Variants in BCL11B observed in about 807,000 individuals in gnomAD.
The protein encoded by BCL11B is BCL11 transcription factor B.
Under a neutral mutation model 49.9 loss-of-function variants are expected in BCL11B, and 8 were observed. The ratio of observed to expected loss-of-function variants is 0.16; its 90% CI spans 0.09 to 0.29. The LOEUF (loss-of-function observed/expected upper bound fraction) is 0.29, where lower values mean the gene tolerates loss of function less well. Ranked by LOEUF, BCL11B falls within the 10% of genes least tolerant of loss-of-function variation. The pLI is 1.00. For missense variants in BCL11B, 1,006 were observed against 1,351.0 expected (o/e 0.74, Z 4.00); for synonymous variants, 739 against 637.4 (o/e 1.16, Z -2.40).
In BCL11B at chr14:99,175,722, C is replaced by T; in HGVS notation, c.1114G>A (p.Gly372Ser). The change falls in exon 4 of 4, where the codon GGC (glycine) becomes AGC (serine). Residue 372 changes from glycine to serine, a missense_variant. This residue lies in a region of BCL11B where 411 missense variants were observed against 542.2 expected (regional missense o/e 0.76). Coordinates refer to ENST00000357195, the MANE Select transcript of BCL11B (RefSeq NM_138576.4). ...ACGGGCGGCGGCGTGGAGCTGTTGC[C>T]CGCCAGCTCGCGGAGCCGCCGCGAG... The part of the protein sequence containing the change: ...DFSRRLRELA[G>S]NSSTPPPVSP... 4 of 1,488,836 alleles carry T rather than the reference C, an allele frequency of 2.7e-6. No individual in the cohort carries two copies. The highest frequency in any genetic ancestry group is 3.5e-6 in the Non-Finnish European group (4 of 1,135,700). The allele number at this position is 1,488,836 out of a possible 1,614,324, so 92.2% of individuals were successfully genotyped here. A position where few individuals can be genotyped will look rare whatever the true frequency, so the allele number is the denominator to read the frequency against.
In BCL11B at chr14:99,247,981, G is replaced by C. The variant is rs1888897155; in HGVS notation, c.427+9490C>G. On this transcript the variant is annotated intron_variant, in intron 2 of 3. Coordinates refer to ENST00000357195, the MANE Select transcript of BCL11B (RefSeq NM_138576.4). This position sits in a 1 kb window ranked among gnomAD's most constrained non-coding sequence, Gnocchi z 4.5. ...GGGCTGGGGGGCTCACCCTGCCCTT[G>C]GCTGCTGCCTTTTCTCCACACCAGG... Among the ~76,000 whole-genome samples the C allele has an allele frequency of 6.6e-6, 1 of 152,156 alleles. No individual in the cohort carries two copies.
chr14:99,216,838 C>CA (rs1240077681), intron 3 of BCL11B, among the ~76,000 whole-genome samples: 1 of 152,106 alleles, frequency 6.6e-6, no homozygotes, highest in Non-Finnish European at 1.5e-5. Context: ...TGCTCACACA[C>CA]AAAAACACTC....
In BCL11B at chr14:99,174,799, G is replaced by C. The variant is rs564036489; in HGVS notation, c.2037C>G (p.Pro679=). Residue 679 remains proline, a synonymous_variant, in exon 4 of 4, where the codon CCC becomes CCG. Transcript: ENST00000357195. ...FPRKPAPLPS[P]GLNSAAKRIK... is the part of the protein sequence containing the mutation. Reference sequence around the variant, plus strand: ...TGCGCTTGGCGGCGCTGTTGAGCCCGGGGCTGGGCAGCGGCGCGGGCTTGC... The same window carrying C: ...TGCGCTTGGCGGCGCTGTTGAGCCCCGGGCTGGGCAGCGGCGCGGGCTTGC... 6.3e-6 allele frequency: 9 copies of C among 1,431,088 alleles called. No individual in the cohort carries two copies. In the South Asian group the frequency reaches 1.3e-4, roughly 21 times the overall value. The allele number at this position is 1,431,088 out of a possible 1,614,324, so 88.6% of individuals were successfully genotyped here.
intron 3 of BCL11B, among the ~76,000 whole-genome samples, chr14:99,222,560 C>T (rs1461924011): frequency 2.0e-5 from 3 of 152,198 alleles, no homozygotes; most frequent in African/African-American, 4.8e-5. Context: ...TGAGGTGATC[C>T]GATGAGAAAA....
In BCL11B at chr14:99,199,683, T is replaced by TGCGC. The variant is rs1555378683; in HGVS notation, c.641-23492_641-23489dup. ...GTGTGTGTGTGTGTGTGTGTGTGTG[T>TGCGC]GCGCGCGCGCGCGCACGTGCACGTG... is the stretch of plus-strand genomic sequence containing the variant. On this transcript the variant is annotated intron_variant, in intron 3 of 3. Coordinates refer to ENST00000357195, the MANE Select transcript of BCL11B (RefSeq NM_138576.4). Among the ~76,000 whole-genome samples the TGCGC allele has an allele frequency of 6.5e-3, 477 of 73,720 alleles. 6 individuals are homozygous for TGCGC. The highest frequency in any genetic ancestry group is 0.012 in the African/African-American group (360 of 29,680). 48.4% of individuals were successfully genotyped at this position (73,720 alleles called of 152,430 possible).
intron 2 of BCL11B, among the ~76,000 whole-genome samples, chr14:99,233,161 G>A (rs1046039314): frequency 4.6e-5 from 7 of 152,182 alleles, no homozygotes; most frequent in Non-Finnish European, 1.0e-4. Context: ...GCCCTAGCCT[G>A]AACCTTCCAG....
rs190562445 is a variant in BCL11B, at chr14:99,190,350, G to A, written c.641-14155C>T. Among the ~76,000 whole-genome samples, 12 of 152,352 alleles carry A rather than the reference G, an allele frequency of 7.9e-5. No homozygotes were observed. The East Asian group carries it at 1.9e-3, about 25-fold the overall frequency. On this transcript the variant is annotated intron_variant, in intron 3 of 3. Transcript: ENST00000357195. ...AAAAATACAAAAAAACTAGCCAGGC[G>A]TGGTGGCATGCGCCTGTAGTCCCAG...
intron 1 of BCL11B, among the ~76,000 whole-genome samples, chr14:99,261,274 C>T (rs1595083258): frequency 6.6e-6 from 1 of 152,228 alleles, no homozygotes; most frequent in African/African-American, 2.4e-5. Flanking sequence ...GTTTCACTTC[C>T]GCTGGCAGGC....
chr14:99,217,043 C>A (rs1887860021), intron 3 of BCL11B, among the ~76,000 whole-genome samples: 1 of 152,152 alleles, frequency 6.6e-6, no homozygotes, highest in South Asian at 2.1e-4. Flanking sequence ...TATACACATG[C>A]ATGCACATAT....
intron 1 of BCL11B, among the ~76,000 whole-genome samples, chr14:99,270,810 G>A (rs1267635685): frequency 1.7e-5 from 2 of 118,058 alleles, no homozygotes; most frequent in Non-Finnish European, 3.5e-5. Context: ...CGCCACCAGC[G>A]CCGCCGCCGC....
intron 1 of BCL11B, among the ~76,000 whole-genome samples, chr14:99,267,987 G>C (rs936120291): frequency 6.6e-6 from 1 of 151,344 alleles, no homozygotes; most frequent in African/African-American, 2.4e-5. Context: ...GTCTGGCACA[G>C]CGGGCTCTGG....
At chr14:99,270,178 A>G (rs531737321) in intron 1 of BCL11B, among the ~76,000 whole-genome samples, 4 of 152,082 alleles carry the variant, frequency 2.6e-5, no homozygotes, top group Admixed American at 1.3e-4. Flanking sequence ...CCGCCCAGCC[A>G]CATGCTTGAA....
rs1408495215 is a variant in BCL11B at position 99,231,738 on chromosome 14, G to C, written c.428-181C>G. 1.3e-5 allele frequency among the ~76,000 whole-genome samples: 2 copies of C among 151,898 alleles called. No homozygotes were observed. The highest frequency in any genetic ancestry group is 6.5e-5 in the Admixed American group (1 of 15,282). On this transcript the variant is annotated intron_variant, in intron 2 of 3. Coordinates refer to ENST00000357195, the MANE Select transcript of BCL11B (RefSeq NM_138576.4). This position sits in a 1 kb window ranked among gnomAD's most constrained non-coding sequence, Gnocchi z 8.1. Reference sequence around the variant, plus strand: ...GGACACAGGCGAGGGAATGGGCTCGGGGAGGTGGGCAGGGGGCACTGGGGA... The same window carrying C: ...GGACACAGGCGAGGGAATGGGCTCGCGGAGGTGGGCAGGGGGCACTGGGGA...
At chr14:99,221,894 C>A (rs1203624189) in intron 3 of BCL11B, among the ~76,000 whole-genome samples, 2 of 152,302 alleles carry the variant, frequency 1.3e-5, no homozygotes, top group Admixed American at 1.3e-4. Flanking sequence ...GGGTCTGGCA[C>A]ATGTATGACC....
intron 3 of BCL11B, among the ~76,000 whole-genome samples, chr14:99,226,937 G>C (rs545867509): frequency 2.6e-5 from 4 of 152,312 alleles, no homozygotes; most frequent in African/African-American, 9.6e-5. Flanking sequence ...AGATTGCCCT[G>C]TGATTTCAGC....
At chr14:99,266,676 A>T (rs1290807871) in intron 1 of BCL11B, among the ~76,000 whole-genome samples, 2 of 152,236 alleles carry the variant, frequency 1.3e-5, no homozygotes, top group African/African-American at 4.8e-5. Flanking sequence ...TGCTGATGGA[A>T]GCCCGTTCCT....
chr14:99,211,495 C>T (rs908873054), intron 3 of BCL11B, among the ~76,000 whole-genome samples: 1 of 152,258 alleles, frequency 6.6e-6, no homozygotes, highest in Non-Finnish European at 1.5e-5. Context: ...CAATGCCACT[C>T]ATGCATCCAT....
chr14:99,250,226 G>A (rs1250370985), intron 2 of BCL11B, among the ~76,000 whole-genome samples: 2 of 151,600 alleles, frequency 1.3e-5, no homozygotes, highest in African/African-American at 4.9e-5. Context: ...TAGTCGAGAC[G>A]GAGTTTCACC....
At chr14:99,176,436 C>T (rs1015869392) in intron 3 of BCL11B, among the ~76,000 whole-genome samples, 3 of 152,216 alleles carry the variant, frequency 2.0e-5, no homozygotes, top group Admixed American at 6.5e-5. Context: ...CAGCGACTTA[C>T]TTCAATTGTG....
Sources: gnomAD v4.1 joint callset for allele counts (sites outside exome capture counted in the v4.1 genomes callset) on GRCh38, gnomAD v4.1.1 for gene constraint, gnomAD v4.1.1 regional missense constraint, Gnocchi (gnomAD v3.1) non-coding constraint, MANE v1.5 for transcripts, NCBI Gene and HGNC (gene_info 2026-07-23, HGNC 2026-07-21) for gene names.